Variants in NR6A1 observed in about 807,000 individuals in gnomAD.
NR6A1 encodes nuclear receptor subfamily 6 group A member 1.
Under a neutral mutation model 59.1 loss-of-function variants are expected in NR6A1, and 7 were observed. That is an observed-to-expected ratio of 0.12 (90% CI 0.07 to 0.22). NR6A1 has a LOEUF of 0.22. Among genes scored for constraint, NR6A1 ranks in the 10% least tolerant of loss-of-function variants. NR6A1 has a pLI of 1.00. For missense variants in NR6A1, 468 were observed against 611.6 expected, an observed-to-expected ratio of 0.77 and a Z score of 2.48; for synonymous variants, 243 against 236.1, an observed-to-expected ratio of 1.03 and a Z score of -0.27.
chr9:124,752,432 C>A (rs959410020), intron 1 of NR6A1, among the ~76,000 whole-genome samples: 2 of 152,008 alleles, frequency 1.3e-5, no homozygotes, highest in African/African-American at 4.8e-5. Context: ...GGTAAAGTTA[C>A]ATCAGCTACC....
intron 2 of NR6A1, chr9:124,595,768 A>T (rs2130809668): frequency 7.8e-7 from 1 of 1,288,676 alleles, no homozygotes; most frequent in East Asian, 5.5e-5. Context: ...TCTCCATTTC[A>T]TGCTTCTTGT....
chr9:124,754,943 C>A (rs754730034), intron 1 of NR6A1, among the ~76,000 whole-genome samples: 1 of 152,130 alleles, frequency 6.6e-6, no homozygotes, highest in Non-Finnish European at 1.5e-5. Flanking sequence ...CTCCACCCCC[C>A]TTCCACTCAA....
chr9:124,704,776 A>G (rs1315480645), intron 2 of NR6A1, among the ~76,000 whole-genome samples: 2 of 152,174 alleles, frequency 1.3e-5, no homozygotes, highest in Non-Finnish European at 2.9e-5. Context: ...GTCTCACTCT[A>G]TCACCCAGGC....
intron 2 of NR6A1, among the ~76,000 whole-genome samples, chr9:124,704,894 A>G (rs181556514): frequency 2.1e-4 from 32 of 152,150 alleles, no homozygotes; most frequent in Non-Finnish European, 3.4e-4. Context: ...GCATGCCACA[A>G]CTGGCGAATT....
intron 2 of NR6A1, among the ~76,000 whole-genome samples, chr9:124,658,993 T>C (rs1837342042): frequency 6.6e-6 from 1 of 152,192 alleles, no homozygotes; most frequent in Non-Finnish European, 1.5e-5. Flanking sequence ...TCTTTGCCTT[T>C]AGATAATTAA....
At chr9:124,769,409 G>A (rs1218451669) in intron 1 of NR6A1, among the ~76,000 whole-genome samples, 3 of 152,128 alleles carry the variant, frequency 2.0e-5, no homozygotes, top group Non-Finnish European at 4.4e-5. Flanking sequence ...GTTAATAAAC[G>A]TATGAAGGCA....
rs777813700 is a variant in NR6A1, at chr9:124,540,061, G to A, written c.568C>T (p.Pro190Ser). 1.2e-6 allele frequency: 2 copies of A among 1,613,050 alleles called. No homozygotes were observed. ...GAAGACAGTGTGGAGCCTGGTGAGG[G>A]CTGGTTGCTCTCCGAAGCCCTGTTC... ...PGNRASESNQPSPGSTLSSSR... is the reference protein window; with the variant it reads ...PGNRASESNQSSPGSTLSSSR... Residue 190 changes from proline (P) to serine (S), a missense_variant, in exon 5 of 10, where the codon CCC (proline) becomes TCC (serine). Pro to Ser is a moderately conservative substitution (Grantham distance 74). Coordinates refer to ENST00000487099, the MANE Select transcript of NR6A1 (RefSeq NM_033334.4).
At chr9:124,619,554 T>A (rs547066586) in intron 2 of NR6A1, among the ~76,000 whole-genome samples, 66 of 151,728 alleles carry the variant, frequency 4.3e-4, no homozygotes, top group Middle Eastern at 6.8e-3. Flanking sequence ...TGAGCCACCA[T>A]ACCTGGACTA....
chr9:124,592,012 C>G (rs757758822), intron 2 of NR6A1, among the ~76,000 whole-genome samples: 1 of 152,122 alleles, frequency 6.6e-6, no homozygotes, highest in Non-Finnish European at 1.5e-5. Context: ...ACCCCAGTAG[C>G]AGGGGAACAG....
intron 2 of NR6A1, among the ~76,000 whole-genome samples, chr9:124,630,938 G>A (rs1836424080): frequency 6.6e-6 from 1 of 152,034 alleles, no homozygotes; most frequent in Non-Finnish European, 1.5e-5. Context: ...CTCCCAAAGT[G>A]CTGGGATTAC....
intron 2 of NR6A1, among the ~76,000 whole-genome samples, chr9:124,732,114 T>C (rs1164301094): frequency 5.3e-5 from 8 of 152,174 alleles, no homozygotes; most frequent in Admixed American, 5.2e-4. Flanking sequence ...AGTTGCAACA[T>C]GGACATTTAT....
intron 1 of NR6A1, among the ~76,000 whole-genome samples, chr9:124,742,069 G>A (rs1840185774): frequency 6.6e-6 from 1 of 152,222 alleles, no homozygotes; most frequent in African/African-American, 2.4e-5. Flanking sequence ...AATTTGACTT[G>A]ATTGGAATCT....
intron 2 of NR6A1, among the ~76,000 whole-genome samples, chr9:124,732,843 C>T (rs1037996826): frequency 4.6e-5 from 7 of 151,840 alleles, no homozygotes; most frequent in Non-Finnish European, 1.0e-4. Flanking sequence ...ACTACAGGCA[C>T]CCGCCACCAC....
chr9:124,675,606 G>T (rs1029583742), intron 2 of NR6A1, among the ~76,000 whole-genome samples: 34 of 152,270 alleles, frequency 2.2e-4, no homozygotes, highest in African/African-American at 7.7e-4. Flanking sequence ...CCAATAGCAA[G>T]GCTACCCTCT....
intron 2 of NR6A1, among the ~76,000 whole-genome samples, chr9:124,666,261 A>G (rs1383718668): frequency 1.4e-5 from 2 of 140,702 alleles, no homozygotes; most frequent in African/African-American, 5.7e-5. Context: ...TGGCGGAATT[A>G]CCTCTATGTG....
intron 2 of NR6A1, among the ~76,000 whole-genome samples, chr9:124,695,682 T>C (rs544722104): frequency 4.6e-4 from 70 of 152,230 alleles, no homozygotes; most frequent in Non-Finnish European, 7.6e-4. Context: ...AGGGGGTCTT[T>C]ATAGAAGAGT....
At chr9:124,647,185 G>A (rs1588740210) in intron 2 of NR6A1, among the ~76,000 whole-genome samples, 1 of 152,224 alleles carries the variant, frequency 6.6e-6, no homozygotes, top group East Asian at 1.9e-4. Flanking sequence ...CCAAAGCATT[G>A]AGATTACAGG....
At chr9:124,701,277 A>T (rs765058694) in intron 2 of NR6A1, among the ~76,000 whole-genome samples, 13 of 152,204 alleles carry the variant, frequency 8.5e-5, no homozygotes, top group Non-Finnish European at 1.2e-4. Context: ...GCTATTCCTG[A>T]GGGTGTACAG....
At chr9:124,640,696 C>G (rs1836745429) in intron 2 of NR6A1, among the ~76,000 whole-genome samples, 1 of 151,972 alleles carries the variant, frequency 6.6e-6, no homozygotes, top group African/African-American at 2.4e-5. Context: ...GAGTTTACCA[C>G]CCCCAGTCCA....
Sources: allele counts gnomAD v4.1 joint callset (sites outside exome capture counted in the v4.1 genomes callset), GRCh38; gene constraint gnomAD v4.1.1; transcripts MANE v1.5; gene names NCBI Gene and HGNC (gene_info 2026-07-23, HGNC 2026-07-21).